The following TRPM3 variants were observed in gnomAD, a reference collection of about 807,000 sequenced individuals.
TRPM3 encodes the protein transient receptor potential cation channel subfamily M member 3.
TRPM3 carries 77 observed loss-of-function variants against 181.2 expected under a neutral mutation model. That is an observed-to-expected ratio of 0.42 (90% CI 0.35 to 0.51). TRPM3 has a LOEUF of 0.51. TRPM3 is among the 20% of genes least tolerant of loss of function. The probability of loss-of-function intolerance (pLI) is 0.01; values close to 1 mark genes in which losing one functional copy is unlikely to be tolerated. For synonymous variants in TRPM3, 745 were observed against 796.4 expected (o/e 0.94, Z 1.09); for missense variants, 1,759 against 2,196.7 (o/e 0.80, Z 3.98).
intron 1 of TRPM3, among the ~76,000 whole-genome samples, chr9:71,135,206 C>G (rs1223477851): frequency 6.6e-6 from 1 of 152,192 alleles, no homozygotes; most frequent in Non-Finnish European, 1.5e-5. Context: ...ACTGCAAATT[C>G]TCAGTCACTC....
chr9:70,807,476 T>C (rs893290953), intron 6 of TRPM3, among the ~76,000 whole-genome samples: 2 of 152,232 alleles, frequency 1.3e-5, no homozygotes, highest in Non-Finnish European at 2.9e-5. Context: ...TTATGATTTG[T>C]CCTTTTTTAT....
intron 22 of TRPM3, among the ~76,000 whole-genome samples, chr9:70,589,624 G>T (rs2057763832): frequency 6.6e-6 from 1 of 152,178 alleles, no homozygotes; most frequent in Admixed American, 6.5e-5. Context: ...CTGGCAAGCT[G>T]TCTTGGTGAA....
chr9:71,062,156 T>TA (rs1266557221), intron 1 of TRPM3, among the ~76,000 whole-genome samples: 1 of 152,108 alleles, frequency 6.6e-6, no homozygotes, highest in African/African-American at 2.4e-5. Context: ...TGAAGACTCA[T>TA]AATAAGTATT....
chr9:70,700,572 C>T (rs983128099), intron 8 of TRPM3, among the ~76,000 whole-genome samples: 6 of 152,150 alleles, frequency 3.9e-5, no homozygotes, highest in African/African-American at 7.2e-5. Flanking sequence ...AGAGCTATAT[C>T]GCAGCCTGGA....
intron 7 of TRPM3, among the ~76,000 whole-genome samples, chr9:70,770,537 G>A (rs548532402): frequency 2.6e-5 from 4 of 152,320 alleles, no homozygotes; most frequent in African/African-American, 9.6e-5. Context: ...TTGAAGTGGT[G>A]AGGCCAGTTT....
At chr9:70,973,649 T>C (rs1355105572) in intron 1 of TRPM3, among the ~76,000 whole-genome samples, 1 of 152,180 alleles carries the variant, frequency 6.6e-6, no homozygotes, top group Non-Finnish European at 1.5e-5. Flanking sequence ...AAATCAGCTA[T>C]TTACTCCAAA....
At chr9:70,955,269 T>C (rs2097055495) in intron 1 of TRPM3, among the ~76,000 whole-genome samples, 1 of 152,172 alleles carries the variant, frequency 6.6e-6, no homozygotes, top group South Asian at 2.1e-4. Context: ...TTAGGGACAC[T>C]TGTTGGAGGC....
At chr9:70,986,776 T>C (rs2097426188) in intron 1 of TRPM3, among the ~76,000 whole-genome samples, 1 of 152,148 alleles carries the variant, frequency 6.6e-6, no homozygotes, top group Non-Finnish European at 1.5e-5. Context: ...GGAGCCTCTT[T>C]AGATCTCTGG....
chr9:71,282,239 GAATGAAAGAAAGAAAGA>G (rs574046450), intron 1 of TRPM3, among the ~76,000 whole-genome samples: 1,662 of 92,148 alleles, frequency 0.018, 459 homozygotes, highest in Non-Finnish European at 0.024. Flanking sequence ...GAAAAAGAAA[GAATGAAAGAAAGAAAGA>G]AAGGAAAGAA....
At chr9:71,427,429 T>G (rs1588983397) in intron 1 of TRPM3, among the ~76,000 whole-genome samples, 1 of 152,136 alleles carries the variant, frequency 6.6e-6, no homozygotes, top group African/African-American at 2.4e-5. Flanking sequence ...TTCTGATATA[T>G]GCTAACATCG....
chr9:71,105,031 T>C (rs1010103823), intron 1 of TRPM3, among the ~76,000 whole-genome samples: 1 of 152,182 alleles, frequency 6.6e-6, no homozygotes, highest in African/African-American at 2.4e-5. Context: ...AGAATGTTCA[T>C]AGCAGCTTTA....
chr9:71,439,551 T>C (rs2094103298), intron 1 of TRPM3, among the ~76,000 whole-genome samples: 1 of 152,198 alleles, frequency 6.6e-6, no homozygotes. Flanking sequence ...AATTTGAATG[T>C]TAATACAGTC....
chr9:70,740,413 G>A (rs1016725768), intron 8 of TRPM3, among the ~76,000 whole-genome samples: 1 of 151,940 alleles, frequency 6.6e-6, no homozygotes, highest in Non-Finnish European at 1.5e-5. Context: ...GTCTAAAGCA[G>A]CCTAAAAATT....
intron 1 of TRPM3, among the ~76,000 whole-genome samples, chr9:71,414,123 T>C (rs2093603052): frequency 2.0e-5 from 3 of 152,162 alleles, no homozygotes; most frequent in South Asian, 4.1e-4. Flanking sequence ...TCATAATGCT[T>C]ATGGCAGCTA....
At chr9:70,831,204 C>A (rs2093872408) in intron 5 of TRPM3, among the ~76,000 whole-genome samples, 1 of 152,024 alleles carries the variant, frequency 6.6e-6, no homozygotes, top group Non-Finnish European at 1.5e-5. Context: ...GCAAACGTAC[C>A]AGCAATCTAT....
At chr9:71,423,035 C>G (rs1698283099) in intron 1 of TRPM3, among the ~76,000 whole-genome samples, 4 of 152,050 alleles carry the variant, frequency 2.6e-5, no homozygotes, top group African/African-American at 7.2e-5. Context: ...CTACGACAAT[C>G]CCCTATATAG....
At chr9:71,343,543 G>C (rs561963957) in intron 1 of TRPM3, among the ~76,000 whole-genome samples, 1 of 152,228 alleles carries the variant, frequency 6.6e-6, no homozygotes, top group Admixed American at 6.5e-5. Context: ...TACAAATATG[G>C]AATGAAAGAA....
At chr9:71,138,168 T>A (rs1306694019) in intron 1 of TRPM3, among the ~76,000 whole-genome samples, 1 of 151,772 alleles carries the variant, frequency 6.6e-6, no homozygotes, top group Non-Finnish European at 1.5e-5. Flanking sequence ...AGAGGAAGTA[T>A]TAGAAATCAA....
At chr9:71,260,742 C>T (rs1372200244) in intron 1 of TRPM3, among the ~76,000 whole-genome samples, 2 of 152,184 alleles carry the variant, frequency 1.3e-5, no homozygotes, top group African/African-American at 4.8e-5. Context: ...TATCCTGAGA[C>T]TTTGCTGAAG....
Sources: gnomAD v4.1 joint callset for allele counts (sites outside exome capture counted in the v4.1 genomes callset) on GRCh38, gnomAD v4.1.1 for gene constraint, MANE v1.5 for transcripts, NCBI Gene and HGNC (gene_info 2026-07-23, HGNC 2026-07-21) for gene names.